The following EML6 variants were observed in gnomAD, a reference collection of about 807,000 sequenced individuals.
EML6 encodes the protein EMAP like 6, also known as echinoderm microtubule-associated protein-like 6.
In EML6, 154 loss-of-function variants were observed where a neutral mutation model predicts 240.1. That is an observed-to-expected ratio of 0.64 (90% CI 0.56 to 0.73). The LOEUF is 0.73. Ranked by LOEUF, EML6 falls within the 30% of genes least tolerant of loss-of-function variation. The pLI is 0.00. For missense variants in EML6, 2,964 were observed against 2,474.6 expected (o/e 1.20, Z -4.20); for synonymous variants, 1,148 against 899.0 (o/e 1.28, Z -4.95).
chr2:54,865,243 C>T (rs1413749516), intron 13 of EML6, among the ~76,000 whole-genome samples: 1 of 149,870 alleles, frequency 6.7e-6, no homozygotes, highest in Non-Finnish European at 1.5e-5. Flanking sequence ...AATACCGATG[C>T]TTTGGGAGGA....
chr2:54,752,141 G>A (rs1684203683), intron 2 of EML6, among the ~76,000 whole-genome samples: 1 of 152,016 alleles, frequency 6.6e-6, no homozygotes, highest in Non-Finnish European at 1.5e-5. Context: ...GGTTTGTTGG[G>A]AACCTCACAG....
chr2:54,849,511 C>T (rs551737543), intron 9 of EML6, among the ~76,000 whole-genome samples: 14 of 152,190 alleles, frequency 9.2e-5, no homozygotes, highest in East Asian at 1.9e-4. Context: ...AATTTTAAGA[C>T]GGAGTCTTGC....
chr2:54,930,572 G>C (rs546455259), intron 28 of EML6, among the ~76,000 whole-genome samples: 140 of 152,082 alleles, frequency 9.2e-4, no homozygotes, highest in Admixed American at 2.3e-3. Flanking sequence ...ATAGGGGTAG[G>C]CAGTTCAGTA....
At position 54,895,395 on chromosome 2, in the gene EML6, G is replaced by T. The variant is rs370982469; in HGVS notation, c.2977G>T (p.Val993Phe). 5 of 1,551,772 alleles carry T rather than the reference G, an allele frequency of 3.2e-6. No individual in the cohort carries two copies. In the African/African-American group the frequency reaches 6.8e-5, roughly 21 times the overall value. Residue 993 changes from valine to phenylalanine, a missense_variant, in exon 21 of 42, where the codon GTT (valine) becomes TTT (phenylalanine). Val to Phe is a conservative substitution (Grantham distance 50). Coordinates refer to ENST00000356458, the MANE Select transcript of EML6 (RefSeq NM_001039753.4). ...TAAGAGTGGCCCAATGACACTGCTT[G>T]TTCAGGTACTGTTTGTATGTATTCT... ...IDKSGPMTLLVQGHMEGEVWG... is the reference protein window; with the variant it reads ...IDKSGPMTLLFQGHMEGEVWG...
rs1676042703 is a variant in EML6, at chr2:54,952,676, G to A, written c.4296G>A (p.Val1432=). The change falls in exon 31 of 42, where the codon GTG becomes GTA. Residue 1432 remains valine, a synonymous_variant. Coordinates refer to ENST00000356458, the MANE Select transcript of EML6 (RefSeq NM_001039753.4). ...VNQHPKYRNV[V]ATSQIGTTPS... The stretch of plus-strand genomic sequence containing the variant: ...AGCACCCCAAGTACAGAAACGTGGT[G>A]GCCACCAGCCAGATAGGTAGGAGGT... 1.3e-6 allele frequency: 2 copies of A among 1,550,896 alleles called. No individual in the cohort carries two copies. Among genetic ancestry groups the A allele is most frequent in the Non-Finnish European group, 1.7e-6 (2 of 1,146,658 alleles).
intron 7 of EML6, among the ~76,000 whole-genome samples, chr2:54,836,762 CCTAATCGTTTT>C (rs1326675773): frequency 1.3e-5 from 2 of 152,148 alleles, no homozygotes; most frequent in South Asian, 2.1e-4. Context: ...GCTTGGAATT[CCTAATCGTTTT>C]TTAGCAAGGG....
At chr2:54,897,397 C>T (rs991485473) in intron 21 of EML6, among the ~76,000 whole-genome samples, 4 of 152,190 alleles carry the variant, frequency 2.6e-5, no homozygotes, top group African/African-American at 9.7e-5. Context: ...TCAGGCAATA[C>T]CGTTGTACGA....
intron 12 of EML6, 133 bp from the exon 13 acceptor site, chr2:54,863,650 A>G (rs1670800613): frequency 3.1e-6 from 2 of 647,196 alleles, no homozygotes; most frequent in African/African-American, 1.9e-5. Flanking sequence ...TGTTTTAACA[A>G]TTTATATTAA....
intron 2 of EML6, among the ~76,000 whole-genome samples, chr2:54,744,958 A>ACACACACCCC (rs1683847615): frequency 1.2e-5 from 1 of 82,292 alleles, no homozygotes; most frequent in Non-Finnish European, 2.8e-5. Context: ...ACACACACAC[A>ACACACACCCC]CACACCCTGC....
chr2:54,836,290 C>T (rs1669138188), intron 7 of EML6, among the ~76,000 whole-genome samples: 2 of 152,216 alleles, frequency 1.3e-5, no homozygotes, highest in Non-Finnish European at 2.9e-5. Flanking sequence ...TGGGTTTCCT[C>T]CCTGGGTGGG....
intron 28 of EML6, among the ~76,000 whole-genome samples, chr2:54,934,415 G>A (rs115889777): frequency 6.6e-6 from 1 of 151,958 alleles, no homozygotes; most frequent in African/African-American, 2.4e-5. Flanking sequence ...CTTTGCTTGA[G>A]GGAAGGTCAA....
At chr2:54,855,174 T>C (rs1437854205) in intron 11 of EML6, among the ~76,000 whole-genome samples, 1 of 152,206 alleles carries the variant, frequency 6.6e-6, no homozygotes, top group African/African-American at 2.4e-5. Flanking sequence ...AATAGAGGTT[T>C]AATTGGCTCA....
intron 17 of EML6, chr2:54,881,610 C>G (rs1240214047): frequency 2.0e-5 from 3 of 146,472 alleles, no homozygotes; most frequent in Non-Finnish European, 3.0e-5. Context: ...AATTTAGCCA[C>G]TGCACTCCAG....
intron 29 of EML6, among the ~76,000 whole-genome samples, chr2:54,950,362 C>A (rs915353753): frequency 6.6e-6 from 1 of 152,216 alleles, no homozygotes; most frequent in African/African-American, 2.4e-5. Flanking sequence ...GGCATCAAAT[C>A]TCTGGACTTT....
At chr2:54,836,498 C>T (rs1427759394) in intron 7 of EML6, among the ~76,000 whole-genome samples, 1 of 152,180 alleles carries the variant, frequency 6.6e-6, no homozygotes, top group South Asian at 2.1e-4. Flanking sequence ...ACAGGAGCAG[C>T]AGGTCATAGG....
chr2:54,789,975 C>T (rs1339611914), intron 2 of EML6, among the ~76,000 whole-genome samples: 1 of 152,128 alleles, frequency 6.6e-6, no homozygotes, highest in Non-Finnish European at 1.5e-5. Context: ...GGTGGGGATT[C>T]ATCTTATTTT....
Position 54,957,949 on chromosome 2 carries a change from C to T in EML6, c.4646C>T (p.Ser1549Phe), listed in dbSNP as rs1437724572. 6.4e-7 allele frequency: 1 copy of T among 1,551,574 alleles called. No individual in the cohort carries two copies. Among genetic ancestry groups the T allele is most frequent in the Non-Finnish European group, 8.7e-7 (1 of 1,146,934 alleles). The change falls in exon 33 of 42, where the codon TCC becomes TTC. Residue 1549 changes from serine (S) to phenylalanine (F), a missense_variant. By Grantham distance (155) the Ser-to-Phe change is radical. Transcript: ENST00000356458. Reference protein sequence around the residue: ...ALLYKKGVIGSLGAAKMQTML... With the variant: ...ALLYKKGVIGFLGAAKMQTML... ...CTTTACAAGAAAGGGGTCATCGGGTCCCTGGGAGCTGCCAAAATGCAGACG... is the reference window on the plus strand; with the variant it reads ...CTTTACAAGAAAGGGGTCATCGGGTTCCTGGGAGCTGCCAAAATGCAGACG...
At chr2:54,894,759 T>C (rs944682701) in intron 19 of EML6, among the ~76,000 whole-genome samples, 156 bp from the exon 20 acceptor site, 4 of 152,170 alleles carry the variant, frequency 2.6e-5, no homozygotes, top group African/African-American at 4.8e-5. Context: ...CCAAAAAATA[T>C]TATTCGAACA....
chr2:54,754,105 A>C (rs960267753), intron 2 of EML6, among the ~76,000 whole-genome samples: 17 of 151,750 alleles, frequency 1.1e-4, no homozygotes, highest in Admixed American at 1.0e-3. Flanking sequence ...ACTGCATTCC[A>C]GTCTGGGAGA....
Sources: allele counts gnomAD v4.1 joint callset (sites outside exome capture counted in the v4.1 genomes callset), GRCh38; gene constraint gnomAD v4.1.1; transcripts MANE v1.5; gene names NCBI Gene and HGNC (gene_info 2026-07-23, HGNC 2026-07-21).